The following FLACC1 variants were observed in gnomAD, a reference collection of about 807,000 sequenced individuals.
The protein encoded by FLACC1 is flagellum associated containing coiled-coil domains 1.
A neutral mutation model predicts 62.8 loss-of-function variants in FLACC1; 66 were observed. The ratio of observed to expected loss-of-function variants is 1.05; its 90% CI spans 0.86 to 1.29. FLACC1 has a LOEUF of 1.29. Ranked by LOEUF, FLACC1 falls within the 50% of genes most tolerant of loss-of-function variation. FLACC1 has a pLI of 0.00. For synonymous variants in FLACC1, 156 were observed against 161.0 expected (o/e 0.97, Z 0.24); for missense variants, 452 against 489.1 (o/e 0.92, Z 0.71).
At chr2:201,332,457 A>T (rs530173534) in intron 7 of FLACC1, among the ~76,000 whole-genome samples, 1 of 152,296 alleles carries the variant, frequency 6.6e-6, no homozygotes, top group South Asian at 2.1e-4. Flanking sequence ...CATGTTGGCC[A>T]GGCTGGTCTT....
At chr2:201,341,919 C>T (rs931316287) in intron 7 of FLACC1, among the ~76,000 whole-genome samples, 3 of 152,074 alleles carry the variant, frequency 2.0e-5, no homozygotes, top group African/African-American at 7.2e-5. Flanking sequence ...GCTCCTGATT[C>T]TCTTATACTT....
intron 9 of FLACC1, among the ~76,000 whole-genome samples, chr2:201,316,426 A>C (rs1385859551): frequency 1.3e-5 from 2 of 152,180 alleles, no homozygotes; most frequent in African/African-American, 4.8e-5. Context: ...GCTACTGTGA[A>C]CACCTTTACG....
intron 3 of FLACC1, among the ~76,000 whole-genome samples, chr2:201,349,215 A>C (rs1269065276): frequency 6.6e-6 from 1 of 152,194 alleles, no homozygotes; most frequent in East Asian, 1.9e-4. Flanking sequence ...CGCTCCGCTC[A>C]TGCCACACTG....
chr2:201,358,607 C>T (rs1405608163), upstream of FLACC1, among the ~76,000 whole-genome samples: 10 of 151,734 alleles, frequency 6.6e-5, no homozygotes, highest in African/African-American at 1.5e-4. Flanking sequence ...TTAGTAGAGA[C>T]GGGGTTTCAC....
At position 201,288,597 on chromosome 2, in the gene FLACC1, C is replaced by T. The variant is rs1437054734; in HGVS notation, c.*58G>A. 1 of 1,587,200 alleles carries T rather than the reference C, an allele frequency of 6.3e-7. No individual in the cohort carries two copies. Among genetic ancestry groups the T allele is most frequent in the East Asian group, 2.2e-5 (1 of 44,520 alleles). ...CTCAAGAAAACCCTCCCAGGAGTTTCCTGGGCCTACAGAAATGGTGTGCCA... is the reference window on the plus strand; with the variant it reads ...CTCAAGAAAACCCTCCCAGGAGTTTTCTGGGCCTACAGAAATGGTGTGCCA... On this transcript the variant is annotated 3_prime_UTR_variant, in exon 15 of 15. Transcript: ENST00000392257.
chr2:201,349,366 C>T (rs986267174), intron 3 of FLACC1, among the ~76,000 whole-genome samples: 1 of 152,168 alleles, frequency 6.6e-6, no homozygotes, highest in Non-Finnish European at 1.5e-5. Context: ...AGGCACTTGC[C>T]CTGACCTCTC....
intron 7 of FLACC1, among the ~76,000 whole-genome samples, chr2:201,341,535 GTA>G (rs544015887): frequency 1.7e-4 from 25 of 148,308 alleles, no homozygotes; most frequent in African/African-American, 3.2e-4. Context: ...TTATATGTAT[GTA>G]TATATATATA....
chr2:201,313,277 T>G (rs1950249768), intron 9 of FLACC1, among the ~76,000 whole-genome samples: 1 of 152,152 alleles, frequency 6.6e-6, no homozygotes, highest in Non-Finnish European at 1.5e-5. Context: ...ACAAAAGCAC[T>G]ACTTGCTTTT....
chr2:201,333,976 C>T (rs1330562679), intron 7 of FLACC1, among the ~76,000 whole-genome samples: 1 of 152,180 alleles, frequency 6.6e-6, no homozygotes, highest in Admixed American at 6.5e-5. Flanking sequence ...TGAGGAATCA[C>T]CACACTGACT....
At chr2:201,362,323 A>T (rs918856984), upstream of FLACC1, among the ~76,000 whole-genome samples, 6 of 126,660 alleles carry the variant, frequency 4.7e-5, no homozygotes, top group East Asian at 2.0e-4. Flanking sequence ...GAGTTTTTTT[A>T]AAAAAACAGT....
At chr2:201,306,605 A>G (rs912752228) in intron 11 of FLACC1, among the ~76,000 whole-genome samples, 2 of 152,244 alleles carry the variant, frequency 1.3e-5, no homozygotes, top group Non-Finnish European at 2.9e-5. Context: ...GAATATCTTC[A>G]TGACCTTGGA....
In FLACC1 at chr2:201,324,193, C is replaced by T. The variant is rs547271198; in HGVS notation, c.675+6277G>A. ...ATTCCATGCAAATGGACACCAAAAG[C>T]AAGCAGGAGTAGCTATTCTTATATC... On this transcript the variant is annotated intron_variant, in intron 9 of 14. Coordinates refer to ENST00000392257, the MANE Select transcript of FLACC1 (RefSeq NM_001127391.3). Among the ~76,000 whole-genome samples, 9 of 152,172 alleles carry T rather than the reference C, an allele frequency of 5.9e-5. No homozygotes were observed. The South Asian group carries it at 1.7e-3, about 28-fold the overall frequency.
rs1039148591 is a variant in FLACC1, at chr2:201,326,074, T to G, written c.675+4396A>C. On this transcript the variant is annotated intron_variant, in intron 9 of 14. Coordinates refer to ENST00000392257, the MANE Select transcript of FLACC1 (RefSeq NM_001127391.3). The surrounding 1 kb of genome is among the most constrained non-coding windows in gnomAD (Gnocchi z 4.1). Reference sequence around the variant, plus strand: ...AGAATTGAAAACAAAAAACACATGATCATCTCAATAGATTCAGAAAAAGCA... The same window carrying G: ...AGAATTGAAAACAAAAAACACATGAGCATCTCAATAGATTCAGAAAAAGCA... Among the ~76,000 whole-genome samples the G allele has an allele frequency of 6.6e-6, 1 of 152,140 alleles. No homozygotes were observed. The highest frequency in any genetic ancestry group is 1.5e-5 in the Non-Finnish European group (1 of 68,032).
At chr2:201,363,783 G>A in the FLACC1 span, among the ~76,000 whole-genome samples, 1 of 152,194 alleles carries the variant, frequency 6.6e-6, no homozygotes, top group African/African-American at 2.4e-5. Flanking sequence ...CCAGGCATCT[G>A]GAGCAGTCAC....
intron 1 of FLACC1, among the ~76,000 whole-genome samples, chr2:201,352,443 C>T (rs1951045099): frequency 6.6e-6 from 1 of 152,152 alleles, no homozygotes; most frequent in Non-Finnish European, 1.5e-5. Context: ...CAGAATCCAA[C>T]TAAAATTAGA....
Position 201,307,521 on chromosome 2 carries a change from CCTT to C in FLACC1, c.874_876del (p.Lys292del). ...CAAGGTGCTTTGGGCTGAGTTACCT[CCTT>C]CTCTTGAATGAAGTTCTCAAAGACA... On this transcript the variant is annotated inframe_deletion, in exon 11 of 15. Coordinates refer to ENST00000392257, the MANE Select transcript of FLACC1 (RefSeq NM_001127391.3). The C allele has an allele frequency of 6.2e-7, 1 of 1,613,468 alleles. No individual in the cohort carries two copies. The highest frequency in any genetic ancestry group is 8.5e-7 in the Non-Finnish European group (1 of 1,179,400).
chr2:201,342,409 C>T lies in FLACC1; in HGVS notation c.485G>A (p.Arg162His), dbSNP rs181158498. ...AAAGTTCTGTTTCATCTCAGCACAG[C>T]GGAGATCCATTTCACTGGAGAGCTG... ...QKLLSSEMDLRCAEMKQNFEN... is the reference protein window; with the variant it reads ...QKLLSSEMDLHCAEMKQNFEN... Residue 162 changes from arginine to histidine, a missense_variant, in exon 7 of 15, where the codon CGC becomes CAC. Arg to His is a conservative substitution (Grantham distance 29, BLOSUM62 0). This residue lies in a region of FLACC1 where 301 missense variants were observed against 318.4 expected (regional missense o/e 0.95). Transcript: ENST00000392257. 1.1e-5 allele frequency: 18 copies of T among 1,614,212 alleles called. No individual in the cohort carries two copies. In the East Asian group the frequency reaches 1.3e-4, roughly 12 times the overall value.
intron 9 of FLACC1, among the ~76,000 whole-genome samples, chr2:201,329,432 C>A (rs1299787602): frequency 6.6e-6 from 1 of 152,190 alleles, no homozygotes; most frequent in Non-Finnish European, 1.5e-5. Context: ...ACTCAGCAAT[C>A]CCATTACTGG....
At chr2:201,310,082 A>G (rs1311430601) in intron 9 of FLACC1, among the ~76,000 whole-genome samples, 2 of 152,018 alleles carry the variant, frequency 1.3e-5, no homozygotes, top group East Asian at 3.9e-4. Context: ...TGCTTGGCTC[A>G]GATTTCATGA....
Sources: allele counts gnomAD v4.1 joint callset (sites outside exome capture counted in the v4.1 genomes callset), GRCh38; gene constraint gnomAD v4.1.1; regional missense constraint gnomAD v4.1.1; non-coding constraint Gnocchi (gnomAD v3.1); transcripts MANE v1.5; gene names NCBI Gene and HGNC (gene_info 2026-07-23, HGNC 2026-07-21).